The following LARGE1 variants were observed in gnomAD, a reference collection of about 807,000 sequenced individuals.
LARGE1 encodes the protein xylosyl- and glucuronyltransferase LARGE1.
Under a neutral mutation model 87.6 loss-of-function variants are expected in LARGE1, and 43 were observed. The ratio of observed to expected loss-of-function variants is 0.49; its 90% CI spans 0.38 to 0.63. The LOEUF is 0.63. Among genes scored for constraint, LARGE1 ranks in the 30% least tolerant of loss-of-function variants. The pLI is 0.00. For synonymous variants in LARGE1, 434 were observed against 394.6 expected (o/e 1.10, Z -1.18); for missense variants, 802 against 1,000.2 (o/e 0.80, Z 2.67).
intron 3 of LARGE1, among the ~76,000 whole-genome samples, chr22:33,634,046 TG>T (rs1569328747): frequency 6.6e-6 from 1 of 152,236 alleles, no homozygotes; most frequent in Non-Finnish European, 1.5e-5. Context: ...CCGATTGGGT[TG>T]TGTCAGGATC....
chr22:33,175,601 T>A (rs1268917460), intron 11 of LARGE1, among the ~76,000 whole-genome samples: 1 of 152,054 alleles, frequency 6.6e-6, no homozygotes, highest in Non-Finnish European at 1.5e-5. Context: ...TTAAAAGGGA[T>A]GTGAAGGACC....
intron 7 of LARGE1, among the ~76,000 whole-genome samples, chr22:33,397,016 T>C (rs1601698657): frequency 1.3e-5 from 2 of 152,226 alleles, no homozygotes; most frequent in Admixed American, 1.3e-4. Flanking sequence ...TTTTCATGAA[T>C]TGAATAACTA....
intron 10 of LARGE1, among the ~76,000 whole-genome samples, chr22:33,321,704 CT>C (rs1936730759): frequency 6.6e-6 from 1 of 152,144 alleles, no homozygotes; most frequent in South Asian, 2.1e-4. Flanking sequence ...GAAATGGGTC[CT>C]TCTTTGATGA....
At chr22:33,622,717 G>T (rs1319326463) in intron 4 of LARGE1, among the ~76,000 whole-genome samples, 2 of 152,154 alleles carry the variant, frequency 1.3e-5, no homozygotes, top group Non-Finnish European at 2.9e-5. Flanking sequence ...TCATTTGCTG[G>T]CCCTGGGTTT....
intron 1 of LARGE1, among the ~76,000 whole-genome samples, chr22:33,777,361 G>C (rs13057544): frequency 6.0e-4 from 91 of 152,206 alleles, no homozygotes; most frequent in Non-Finnish European, 1.1e-3. Context: ...TCAATGGCCA[G>C]GCGTCGTGGC....
chr22:33,614,787 C>T lies in LARGE1; in HGVS notation c.492-10229G>A, dbSNP rs117205473. On this transcript the variant is annotated intron_variant, in intron 4 of 14. Transcript: ENST00000397394. ...ACCTCCAAGACTACCTCCTACCCTC[C>T]ATGAGACTGTCAGCTGTGGAGGATA... Among the ~76,000 whole-genome samples, 261 of 152,296 alleles carry T rather than the reference C, an allele frequency of 1.7e-3. 6 individuals carry two copies. In the East Asian group the frequency reaches 0.039, roughly 23 times the overall value.
At chr22:33,861,420 A>ACC (rs1011218665) in intron 1 of LARGE1, 1 of 151,606 alleles carries the variant, frequency 6.6e-6, no homozygotes, top group African/African-American at 2.4e-5. Flanking sequence ...ACACACACAC[A>ACC]CCCTTAGCCT....
downstream of LARGE1, among the ~76,000 whole-genome samples, chr22:33,270,004 CA>C (rs56995031): frequency 0.12 from 10,089 of 86,558 alleles, 633 homozygotes; most frequent in African/African-American, 0.23. Flanking sequence ...GACTCTGTCT[CA>C]AAAAAAAAAA....
intron 5 of LARGE1, among the ~76,000 whole-genome samples, chr22:33,582,727 G>A (rs151233657): frequency 3.0e-4 from 45 of 152,322 alleles, no homozygotes; most frequent in African/African-American, 9.6e-4. Context: ...GTGCTGGACA[G>A]CTGATGTTAC....
chr22:33,524,750 TAAA>T (rs76544936), intron 6 of LARGE1, among the ~76,000 whole-genome samples: 5 of 94,068 alleles, frequency 5.3e-5, no homozygotes, highest in Non-Finnish European at 7.0e-5. Flanking sequence ...TAGGTAAAGC[TAAA>T]AAAAAAAAAA....
intron 1 of LARGE1, among the ~76,000 whole-genome samples, chr22:33,910,356 T>C (rs1292946657): frequency 6.6e-6 from 1 of 152,194 alleles, no homozygotes; most frequent in Non-Finnish European, 1.5e-5. Flanking sequence ...ATGTAGATAC[T>C]GACAATGCCT....
chr22:33,379,720 G>T (rs754563548), intron 9 of LARGE1, among the ~76,000 whole-genome samples: 2 of 152,064 alleles, frequency 1.3e-5, no homozygotes, highest in African/African-American at 4.8e-5. Context: ...ACCAAACACC[G>T]CATGTTCTCA....
chr22:33,858,799 T>C (rs2063829754), intron 1 of LARGE1, among the ~76,000 whole-genome samples: 2 of 152,142 alleles, frequency 1.3e-5, no homozygotes, highest in Admixed American at 6.5e-5. Flanking sequence ...CCAATCCAAA[T>C]GCCAATGATA....
intron 11 of LARGE1, among the ~76,000 whole-genome samples, chr22:33,210,231 G>A (rs879280348): frequency 2.0e-5 from 3 of 152,192 alleles, no homozygotes; most frequent in East Asian, 1.9e-4. Context: ...CCGCCCTCCC[G>A]GCCTCCACAG....
intron 3 of LARGE1, among the ~76,000 whole-genome samples, chr22:33,640,358 T>C (rs1459824217): frequency 6.6e-6 from 1 of 152,110 alleles, no homozygotes; most frequent in Non-Finnish European, 1.5e-5. Flanking sequence ...GGACCAGGGG[T>C]TCCTCATAGA....
the LARGE1 span, among the ~76,000 whole-genome samples, chr22:33,089,368 T>TCTTCTTCTTCTTCTTCTTCTCCTC: frequency 1.6e-3 from 123 of 78,284 alleles, 1 homozygote; most frequent in African/African-American, 5.3e-3. Context: ...TTCTTCTTCT[T>TCTTCTTCTTCTTCTTCTTCTCCTC]CTCCTTCTTC....
chr22:33,678,784 AG>A (rs1198999652), intron 2 of LARGE1, among the ~76,000 whole-genome samples: 1 of 152,218 alleles, frequency 6.6e-6, no homozygotes, highest in Non-Finnish European at 1.5e-5. Context: ...GACTACCATG[AG>A]GAAGAGGCGC....
chr22:33,586,569 T>C (rs1284127429), intron 5 of LARGE1, among the ~76,000 whole-genome samples: 1 of 151,952 alleles, frequency 6.6e-6, no homozygotes, highest in Non-Finnish European at 1.5e-5. Flanking sequence ...GCCATTCTCC[T>C]GCCTCAGCCT....
At chr22:33,846,142 A>G (rs1156377867) in intron 1 of LARGE1, among the ~76,000 whole-genome samples, 1 of 152,174 alleles carries the variant, frequency 6.6e-6, no homozygotes, top group Non-Finnish European at 1.5e-5. Flanking sequence ...AGGGTCTTGA[A>G]CAGATCCAAG....
Sources: allele counts gnomAD v4.1 joint callset (sites outside exome capture counted in the v4.1 genomes callset), GRCh38; gene constraint gnomAD v4.1.1; transcripts MANE v1.5; gene names NCBI Gene and HGNC (gene_info 2026-07-23, HGNC 2026-07-21).